STAT3: variants seen among roughly 807,000 people sequenced by gnomAD.
The protein encoded by STAT3 is DNA-binding protein APRF.
Under a neutral mutation model 114.3 loss-of-function variants are expected in STAT3, and 7 were observed. The observed-to-expected ratio is 0.06, with a 90% CI of 0.03 to 0.11. STAT3 has a LOEUF of 0.11. Ranked by LOEUF, STAT3 falls within the 10% of genes least tolerant of loss-of-function variation. STAT3 has a pLI of 1.00. For synonymous variants in STAT3, 331 were observed against 354.5 expected, an observed-to-expected ratio of 0.93 and a Z score of 0.74; for missense variants, 364 against 960.9, an observed-to-expected ratio of 0.38 and a Z score of 8.21.
chr17:42,371,883 T>C (rs2084166559), intron 1 of STAT3, among the ~76,000 whole-genome samples: 1 of 151,696 alleles, frequency 6.6e-6, no homozygotes, highest in Admixed American at 6.6e-5. Context: ...CTTGGGAGGC[T>C]GAGGCAGGAG....
At chr17:42,372,913 G>A (rs912187562) in intron 1 of STAT3, among the ~76,000 whole-genome samples, 1 of 152,080 alleles carries the variant, frequency 6.6e-6, no homozygotes, top group Admixed American at 6.6e-5. Context: ...TAATAATAAT[G>A]TATCGAGTTG....
chr17:42,313,328 G>C lies in STAT3; in HGVS notation c.*2417C>G, dbSNP rs1041042698. On this transcript the variant is annotated 3_prime_UTR_variant, in exon 24 of 24. Coordinates refer to ENST00000264657, the MANE Select transcript of STAT3 (RefSeq NM_139276.3). ...AACAGAGCTGCCATGCTATCAGACGGTTCCTATATAACGTTTATTTCTGGA... is the reference window on the plus strand; with the variant it reads ...AACAGAGCTGCCATGCTATCAGACGCTTCCTATATAACGTTTATTTCTGGA... 1.7e-5 allele frequency: 3 copies of C among 177,528 alleles called. No individual in the cohort carries two copies. Among genetic ancestry groups the C allele is most frequent in the African/African-American group, 5.2e-5 (2 of 38,574 alleles). The allele number at this position is 177,528 out of a possible 1,614,324, so 11.0% of individuals were successfully genotyped here.
At chr17:42,362,495 T>G (rs2083562824) in intron 1 of STAT3, among the ~76,000 whole-genome samples, 1 of 152,228 alleles carries the variant, frequency 6.6e-6, no homozygotes, top group South Asian at 2.1e-4. Context: ...ACACCCCTAC[T>G]TAAAACCCTC....
chr17:42,348,636 T>A, intron 1 of STAT3, 97 bp from the exon 2 acceptor site: 2 of 1,419,754 alleles, frequency 1.4e-6, no homozygotes, highest in Non-Finnish European at 2.0e-6. Flanking sequence ...GGTCTGTGAC[T>A]AGGGATAAAG....
chr17:42,361,754 G>A (rs1181053681), intron 1 of STAT3, among the ~76,000 whole-genome samples: 1 of 152,046 alleles, frequency 6.6e-6, no homozygotes, highest in Non-Finnish European at 1.5e-5. Context: ...GAGGAGGCTG[G>A]AGAAGGCTCT....
chr17:42,314,506 G>A lies in STAT3; in HGVS notation c.*1239C>T, dbSNP rs2081182239. ...GGAGGGTGGGGCAGGAAGGAAGCCA[G>A]AATCAGAAGTATCCCAGCCCTGATA... On this transcript the variant is annotated 3_prime_UTR_variant, in exon 24 of 24. Transcript: ENST00000264657. 4.7e-5 allele frequency: 11 copies of A among 232,368 alleles called. No individual in the cohort carries two copies. In the East Asian group the frequency reaches 6.7e-4, roughly 14 times the overall value. 14.4% of individuals were successfully genotyped at this position (232,368 alleles called of 1,614,324 possible).
intron 4 of STAT3, among the ~76,000 whole-genome samples, chr17:42,340,160 C>T (rs1473595597): frequency 1.3e-5 from 2 of 151,882 alleles, no homozygotes; most frequent in East Asian, 1.9e-4. Flanking sequence ...GAGTTTGAGA[C>T]CAGCCTGACC....
chr17:42,351,129 CAAAAAAAAAA>C (rs139529559), intron 1 of STAT3, among the ~76,000 whole-genome samples: 1 of 77,274 alleles, frequency 1.3e-5, no homozygotes, highest in African/African-American at 4.0e-5. Flanking sequence ...GACTCCATCT[CAAAAAAAAAA>C]AAAAAAAAGA....
chr17:42,325,635 G>A (rs1471081841), intron 15 of STAT3, among the ~76,000 whole-genome samples: 1 of 151,322 alleles, frequency 6.6e-6, no homozygotes, highest in Non-Finnish European at 1.5e-5. Context: ...CACAATCTCA[G>A]CTCACTGCAA....
At chr17:42,323,469 C>T (rs1007208384) in intron 18 of STAT3, 104 bp downstream of exon 18, 11 of 1,555,498 alleles carry the variant, frequency 7.1e-6, no homozygotes, top group Admixed American at 3.4e-5. Flanking sequence ...GCAGGTCCTA[C>T]TGGCCGCTGG....
At chr17:42,378,315 G>A (rs1378224456) in intron 1 of STAT3, among the ~76,000 whole-genome samples, 1 of 152,000 alleles carries the variant, frequency 6.6e-6, no homozygotes, top group African/African-American at 2.4e-5. Context: ...GCACGATCTC[G>A]ACTCACTGCA....
At position 42,324,974 on chromosome 17, in the gene STAT3, T is replaced by C. The variant is rs1332809491; in HGVS notation, c.1453A>G (p.Asn485Asp). Residue 485 changes from asparagine to aspartate, a missense_variant, in exon 16 of 24, where the codon AAC (asparagine) becomes GAC (aspartate). Coordinates refer to ENST00000264657, the MANE Select transcript of STAT3 (RefSeq NM_139276.3). The surrounding 1 kb of genome is among the most constrained non-coding windows in gnomAD (Gnocchi z 4.5). ...ASILWYNMLTNNPKNVNFFTK... is the reference protein window; with the variant it reads ...ASILWYNMLTDNPKNVNFFTK... Reference sequence around the variant, plus strand: ...GAGGGGGCACTAACCTTGGGATTGTTGGTCAGCATGTTGTACCACAGGATG... The same window carrying C: ...GAGGGGGCACTAACCTTGGGATTGTCGGTCAGCATGTTGTACCACAGGATG... 1 of 1,614,066 alleles carries C rather than the reference T, an allele frequency of 6.2e-7. No homozygotes were observed. The highest frequency in any genetic ancestry group is 1.3e-5 in the African/African-American group (1 of 74,914).
At chr17:42,366,409 G>A (rs1198315200) in intron 1 of STAT3, among the ~76,000 whole-genome samples, 2 of 152,116 alleles carry the variant, frequency 1.3e-5, no homozygotes, top group Non-Finnish European at 2.9e-5. Flanking sequence ...AATGGCTCAG[G>A]CCTATAATCC....
rs750761706 is a variant in STAT3 at position 42,337,594 on chromosome 17, G to T, written c.646-8C>A. ...CAGCTCACTCACGATGCTCTGGTTG[G>T]AAACCAAAACAAAGTCAGAAAACAT... On this transcript the variant is annotated splice_region_variant and splice_polypyrimidine_tract_variant and intron_variant, in intron 7 of 23. Coordinates refer to ENST00000264657, the MANE Select transcript of STAT3 (RefSeq NM_139276.3). The surrounding 1 kb of genome is among the most constrained non-coding windows in gnomAD (Gnocchi z 4.0). The T allele has an allele frequency of 9.3e-6, 15 of 1,614,052 alleles. No homozygotes were observed. The Admixed American group carries it at 2.3e-4, about 25-fold the overall frequency.
intron 21 of STAT3, among the ~76,000 whole-genome samples, chr17:42,317,769 C>T (rs17879250): frequency 1.5e-4 from 23 of 152,332 alleles, no homozygotes; most frequent in African/African-American, 5.5e-4. Flanking sequence ...GCCTCTACCA[C>T]ATTTTTGGAT....
chr17:42,375,027 C>T (rs191658250), intron 1 of STAT3, among the ~76,000 whole-genome samples: 33 of 152,270 alleles, frequency 2.2e-4, no homozygotes, highest in African/African-American at 5.8e-4. Flanking sequence ...TTACCAGAAT[C>T]GTCTGTAGGA....
At chr17:42,363,753 CCAGGTGACTTT>C (rs2083636008) in intron 1 of STAT3, among the ~76,000 whole-genome samples, 1 of 152,092 alleles carries the variant, frequency 6.6e-6, no homozygotes, top group South Asian at 2.1e-4. Flanking sequence ...CACCCAGCCT[CCAGGTGACTTT>C]CATAAGTGTT....
intron 1 of STAT3, among the ~76,000 whole-genome samples, chr17:42,354,326 C>T (rs1442651723): frequency 4.0e-5 from 6 of 150,614 alleles, no homozygotes; most frequent in African/African-American, 1.2e-4. Context: ...TGCCCCACCA[C>T]GCCCGGCTAA....
chr17:42,333,668 C>T lies in STAT3; in HGVS notation c.1049+5G>A. The T allele has an allele frequency of 6.2e-7, 1 of 1,614,002 alleles. No homozygotes were observed. Among genetic ancestry groups the T allele is most frequent in the African/African-American group, 1.3e-5 (1 of 75,046 alleles). ...TCTACTGGAAATGGAAGTGGCATGG[C>T]CTACCTGACTTTAGTAGTGAACTGG... On this transcript the variant is annotated splice_donor_5th_base_variant and intron_variant, in intron 10 of 23. Transcript: ENST00000264657. The surrounding 1 kb of genome is among the most constrained non-coding windows in gnomAD (Gnocchi z 5.2).
Sources: allele counts gnomAD v4.1 joint callset (sites outside exome capture counted in the v4.1 genomes callset), GRCh38; gene constraint gnomAD v4.1.1; non-coding constraint Gnocchi (gnomAD v3.1); transcripts MANE v1.5; gene names NCBI Gene and HGNC (gene_info 2026-07-23, HGNC 2026-07-21).